Variants in FCSK observed in about 807,000 individuals in gnomAD.
FCSK encodes fucose kinase.
A neutral mutation model predicts 122.5 loss-of-function variants in FCSK; 123 were observed. That is an observed-to-expected ratio of 1.00 (90% confidence interval 0.87 to 1.17). The LOEUF is 1.17. FCSK is among the 50% of genes most tolerant of loss of function. The pLI is 0.00. For synonymous variants in FCSK, 620 were observed against 625.5 expected, an observed-to-expected ratio of 0.99 and a Z score of 0.13; for missense variants, 1,366 against 1,450.4, an observed-to-expected ratio of 0.94 and a Z score of 0.95.
rs1397327383 is a variant in FCSK, at chr16:70,473,241, G to T, written c.1665G>T (p.Leu555=). The T allele has an allele frequency of 6.5e-7, 1 of 1,534,616 alleles. No homozygotes were observed. Among genetic ancestry groups the T allele is most frequent in the Non-Finnish European group, 8.7e-7 (1 of 1,145,372 alleles). The change falls in exon 15 of 24, where the codon CTG becomes CTT. Residue 555 remains leucine, a synonymous_variant. Coordinates refer to ENST00000288078, the MANE Select transcript of FCSK (RefSeq NM_145059.3). This position sits in a 1 kb window ranked among gnomAD's most constrained non-coding sequence, Gnocchi z 4.9. ...GGGACCTGTTCTTCCGCCAGGCCCT[G>T]CATAAGGCGCGGCACGTGCTGGAGG... The part of the protein sequence containing the change: ...SRRDLFFRQA[L]HKARHVLEAR...
chr16:70,474,383 T>G (rs772590900), intron 16 of FCSK, 44 bp downstream of exon 16: 2 of 1,594,504 alleles, frequency 1.3e-6, no homozygotes, highest in Non-Finnish European at 1.7e-6. Flanking sequence ...AGCCCCTTGC[T>G]GTCTGGGAAG....
At chr16:70,464,705 A>T (rs2048364166) in intron 3 of FCSK, among the ~76,000 whole-genome samples, 1 of 151,724 alleles carries the variant, frequency 6.6e-6, no homozygotes, top group Non-Finnish European at 1.5e-5. Context: ...ATCTCAAAAA[A>T]AAAAAAAAAA....
rs373214025 is a variant in FCSK at position 70,475,639 on chromosome 16, G to T, written c.2522-9G>T. 1.9e-6 allele frequency: 3 copies of T among 1,582,344 alleles called. No individual in the cohort carries two copies. The highest frequency in any genetic ancestry group is 2.7e-5 in the African/African-American group (2 of 74,318). ...GTTTCATGTCTGCTCTCTCCTCTCC[G>T]CCCTGCAGGCACCAGCAGCATCCTG... On this transcript the variant is annotated splice_polypyrimidine_tract_variant and intron_variant, in intron 19 of 23. Transcript: ENST00000288078.
At chr16:70,462,420 G>A (rs2048294489) in intron 1 of FCSK, 1 of 152,252 alleles carries the variant, frequency 6.6e-6, no homozygotes, top group South Asian at 2.1e-4. Context: ...TAATCTCCCA[G>A]GCTCAAGCAG....
chr16:70,461,048 T>G (rs1158979150), intron 1 of FCSK, among the ~76,000 whole-genome samples: 1 of 152,184 alleles, frequency 6.6e-6, no homozygotes, highest in East Asian at 1.9e-4. Context: ...CCTGCTGGGC[T>G]GAGTAGGGAA....
At position 70,479,928 on chromosome 16, in the gene FCSK, G is replaced by A. The variant is rs1191522968; in HGVS notation, c.*248G>A. On this transcript the variant is annotated 3_prime_UTR_variant, in exon 24 of 24. Coordinates refer to ENST00000288078, the MANE Select transcript of FCSK (RefSeq NM_145059.3). ...GAAGGTCCCAAGCTTAGTATCCCAC[G>A]TGGCCTTTACAAATCCTATGGCTGG... is the stretch of plus-strand genomic sequence containing the variant. 1.0e-5 allele frequency: 4 copies of A among 392,256 alleles called. No homozygotes were observed. The highest frequency in any genetic ancestry group is 4.3e-5 in the East Asian group (1 of 23,210). 24.3% of individuals were successfully genotyped at this position (392,256 alleles called of 1,614,324 possible). A position where few individuals can be genotyped will look rare whatever the true frequency, so the allele number is the denominator to read the frequency against.
chr16:70,479,159 C>T (rs1254224238), intron 22 of FCSK, 21 bp from the exon 23 acceptor site: 1 of 1,594,118 alleles, frequency 6.3e-7, no homozygotes, highest in African/African-American at 1.3e-5. Flanking sequence ...AGGCACGTCA[C>T]TCCCCTCTGC....
intron 13 of FCSK, 31 bp downstream of exon 13, chr16:70,471,383 C>T (rs747452581): frequency 1.3e-6 from 2 of 1,525,606 alleles, no homozygotes; most frequent in African/African-American, 1.4e-5. Flanking sequence ...CCCTCACCCC[C>T]ATCTTCAGGC....
At position 70,465,132 on chromosome 16, in the gene FCSK, A is replaced by G; in HGVS notation, c.241A>G (p.Thr81Ala). ...LSARAGFTVV[T>A]SDVLHSAWIL... Reference sequence around the variant, plus strand: ...GGCTTTCCCACTCCTGCAGGTGGTCACATCCGATGTCCTGCACTCGGCCTG... The same window carrying G: ...GGCTTTCCCACTCCTGCAGGTGGTCGCATCCGATGTCCTGCACTCGGCCTG... Residue 81 changes from threonine (T) to alanine (A), a missense_variant, in exon 4 of 24, where the codon ACA (threonine) becomes GCA (alanine). Thr to Ala is a moderately conservative substitution (Grantham distance 58). Coordinates refer to ENST00000288078, the MANE Select transcript of FCSK (RefSeq NM_145059.3). 1 of 1,613,898 alleles carries G rather than the reference A, an allele frequency of 6.2e-7. No homozygotes were observed.
intron 1 of FCSK, chr16:70,454,863 C>G (rs1347586298): frequency 1.3e-5 from 2 of 152,244 alleles, no homozygotes; most frequent in Non-Finnish European, 2.9e-5. Context: ...GCCCCGCGAC[C>G]CGGCTGGTGC....
At position 70,454,624 on chromosome 16, in the gene FCSK, A is replaced by G. The variant is rs1260545559; in HGVS notation, c.-29A>G. The G allele has an allele frequency of 6.6e-6, 1 of 151,828 alleles. No individual in the cohort carries two copies. The highest frequency in any genetic ancestry group is 2.4e-5 in the African/African-American group (1 of 41,402). The allele number at this position is 151,828 out of a possible 1,614,324, so 9.4% of individuals were successfully genotyped here. A position where few individuals can be genotyped will look rare whatever the true frequency, so the allele number is the denominator to read the frequency against. ...AGCCCGCTCCGCCGAGCGCCGGGCG[A>G]CGGCAGGTACGTCAGTCCGCGAGGG... On this transcript the variant is annotated 5_prime_UTR_variant, in exon 1 of 24. Coordinates refer to ENST00000288078, the MANE Select transcript of FCSK (RefSeq NM_145059.3).
intron 14 of FCSK, 33 bp downstream of exon 14, chr16:70,472,638 C>G: frequency 6.5e-7 from 1 of 1,543,984 alleles, no homozygotes; most frequent in Middle Eastern, 1.7e-4. Context: ...CTCTGTGGGC[C>G]TGGGCAGCTG....
chr16:70,464,064 A>G (rs1049118949), intron 3 of FCSK, among the ~76,000 whole-genome samples: 22 of 152,234 alleles, frequency 1.4e-4, no homozygotes, highest in African/African-American at 5.3e-4. Flanking sequence ...TGTCATCCCC[A>G]TATGGCAACG....
chr16:70,465,473 A>G (rs764531766), intron 4 of FCSK, among the ~76,000 whole-genome samples: 1 of 151,746 alleles, frequency 6.6e-6, no homozygotes, highest in Non-Finnish European at 1.5e-5. Flanking sequence ...AGCCTGGGCA[A>G]CATGGTGAAA....
chr16:70,469,143 T>C lies in FCSK; in HGVS notation c.784-9T>C. ...ATGCCAATAGCTGTGCTTCTTCCCCTTCCCCTAGCTGTCTCTGTTTTTTGA... is the reference window on the plus strand; with the variant it reads ...ATGCCAATAGCTGTGCTTCTTCCCCCTCCCCTAGCTGTCTCTGTTTTTTGA... On this transcript the variant is annotated splice_polypyrimidine_tract_variant and intron_variant, in intron 9 of 23. Coordinates refer to ENST00000288078, the MANE Select transcript of FCSK (RefSeq NM_145059.3). 1.2e-6 allele frequency: 2 copies of C among 1,613,992 alleles called. No homozygotes were observed. The highest frequency in any genetic ancestry group is 2.2e-5 in the South Asian group (2 of 91,078).
intron 1 of FCSK, among the ~76,000 whole-genome samples, chr16:70,460,461 G>A (rs2048231545): frequency 6.6e-6 from 1 of 151,634 alleles, no homozygotes; most frequent in African/African-American, 2.4e-5. Context: ...CTGGAGTGCA[G>A]TGGTGTGATC....
intron 1 of FCSK, among the ~76,000 whole-genome samples, chr16:70,456,912 C>T (rs927751153): frequency 4.0e-5 from 6 of 151,782 alleles, no homozygotes; most frequent in East Asian, 1.9e-4. Context: ...CCCAGTTACT[C>T]GGGAGGCTGA....
In FCSK at chr16:70,476,041, C is replaced by T. The variant is rs564445898; in HGVS notation, c.2641+274C>T. On this transcript the variant is annotated intron_variant, in intron 20 of 23. Coordinates refer to ENST00000288078, the MANE Select transcript of FCSK (RefSeq NM_145059.3). ...TTTTTGAGACGGAGTCTTGCTCTGT[C>T]GCCCAGGCTGGAGTGCAGTGGTGCG... The T allele has an allele frequency of 4.9e-4, 121 of 248,914 alleles. 1 individual carries two copies. The South Asian group carries it at 6.6e-3, about 14-fold the overall frequency. The allele number at this position is 248,914 out of a possible 1,614,324, so 15.4% of individuals were successfully genotyped here.
chr16:70,474,434 C>T, intron 16 of FCSK, 94 bp from the exon 17 acceptor site: 1 of 1,549,264 alleles, frequency 6.5e-7, no homozygotes, highest in Non-Finnish European at 8.7e-7. Context: ...GTGGGGCTCC[C>T]TTGGGTACCC....
Sources: gnomAD v4.1 joint callset for allele counts (sites outside exome capture counted in the v4.1 genomes callset) on GRCh38, gnomAD v4.1.1 for gene constraint, Gnocchi (gnomAD v3.1) non-coding constraint, MANE v1.5 for transcripts, NCBI Gene and HGNC (gene_info 2026-07-23, HGNC 2026-07-21) for gene names.